The following DPEP3 variants were observed in gnomAD, a reference collection of about 807,000 sequenced individuals.
DPEP3 encodes the protein dipeptidase 3, also known as membrane-bound dipeptidase 3.
DPEP3 carries 42 observed loss-of-function variants against 47.5 expected under a neutral mutation model. The ratio of observed to expected loss-of-function variants is 0.88; its 90% CI spans 0.69 to 1.14. DPEP3 has a LOEUF of 1.14. DPEP3 is among the 50% of genes most tolerant of loss of function. The pLI is 0.00. For missense variants in DPEP3, 560 were observed against 635.0 expected, an observed-to-expected ratio of 0.88 and a Z score of 1.27; for synonymous variants, 276 against 270.2, an observed-to-expected ratio of 1.02 and a Z score of -0.21.
chr16:67,977,592 C>T, intron 6 of DPEP3, 61 bp downstream of exon 6: 2 of 1,540,722 alleles, frequency 1.3e-6, no homozygotes, highest in Non-Finnish European at 1.8e-6. Flanking sequence ...TGGCTTTGTG[C>T]TCAGGGTCAA....
At position 67,976,174 on chromosome 16, in the gene DPEP3, C is replaced by A; in HGVS notation, c.1149G>T (p.Leu383Phe). The change falls in exon 9 of 10, where the codon TTG becomes TTT. Residue 383 changes from leucine to phenylalanine, a missense_variant. Physicochemically the swap from Leu to Phe is conservative, Grantham distance 22. Transcript: ENST00000268793. ...CTTCCTCGCTCCAGCTACGACTCAG[C>A]AACTCCTCTATCAGGACTGGGTATG... Reference protein sequence around the residue: ...VSTYPVLIEELLSRSWSEEEL... With the variant: ...VSTYPVLIEEFLSRSWSEEEL... The A allele has an allele frequency of 6.2e-7, 1 of 1,614,230 alleles. No individual in the cohort carries two copies. Among genetic ancestry groups the A allele is most frequent in the Non-Finnish European group, 8.5e-7 (1 of 1,180,044 alleles).
In DPEP3 at chr16:67,978,141, AC is replaced by A; in HGVS notation, c.686+125del. The A allele has an allele frequency of 1.3e-6, 2 of 1,574,956 alleles. No homozygotes were observed. The highest frequency in any genetic ancestry group is 2.2e-5 in the East Asian group (1 of 44,578). Reference sequence around the variant, plus strand: ...CAGCTGCTTTCTGGGATTGTGAGGGACCCACTGGGTGTCCAGCCTCCCTCTG... The same window carrying A: ...CAGCTGCTTTCTGGGATTGTGAGGGACCACTGGGTGTCCAGCCTCCCTCTG... On this transcript the variant is annotated intron_variant, in intron 4 of 9. Transcript: ENST00000268793. This position sits in a 1 kb window ranked among gnomAD's most constrained non-coding sequence, Gnocchi z 4.4.
rs2031304421 is a variant in DPEP3, at chr16:67,980,474, A to T, written c.-94T>A. On this transcript the variant is annotated 5_prime_UTR_variant, in exon 1 of 10. Transcript: ENST00000268793. ...GGATCATGACGACCCAGCCTCCCGA[A>T]GAGGGGGTTGAAGTCACGCGACTCT... 6 of 1,437,374 alleles carry T rather than the reference A, an allele frequency of 4.2e-6. No individual in the cohort carries two copies. Among genetic ancestry groups the T allele is most frequent in the Non-Finnish European group, 4.6e-6 (5 of 1,095,470 alleles). The allele number at this position is 1,437,374 out of a possible 1,614,324, so 89.0% of individuals were successfully genotyped here.
rs753964540 is a variant in DPEP3 at position 67,977,928 on chromosome 16, G to C, written c.756+10C>G. On this transcript the variant is annotated intron_variant, in intron 5 of 9. Coordinates refer to ENST00000268793, the MANE Select transcript of DPEP3 (RefSeq NM_001370198.1). ...GCAGGTGGGTTGGGGTACAAAACAG[G>C]AGTCCTCACCTCACCAAAGCTTGTC... The C allele has an allele frequency of 1.4e-5, 23 of 1,613,836 alleles. No individual in the cohort carries two copies. The highest frequency in any genetic ancestry group is 1.7e-5 in the Non-Finnish European group (20 of 1,179,882).
intron 5 of DPEP3, 26 bp downstream of exon 5, chr16:67,977,912 T>C (rs774576863): frequency 1.9e-6 from 3 of 1,613,704 alleles, no homozygotes; most frequent in South Asian, 1.1e-5. Flanking sequence ...AGCAGGTGGG[T>C]TGGGGTACAA....
In DPEP3 at chr16:67,975,809, C is replaced by A. The variant is rs1412284355; in HGVS notation, c.1423G>T (p.Val475Leu). ...NASPYLVPGL[V>L]AAATIPTFTQ... ...AAGGTTGGGATGGTGGCAGCAGCCA[C>A]AAGGCCTGGAACAAGGTATGGGGAG... Residue 475 changes from valine to leucine, a missense_variant, in exon 10 of 10, where the codon GTG becomes TTG. Coordinates refer to ENST00000268793, the MANE Select transcript of DPEP3 (RefSeq NM_001370198.1). 1.2e-6 allele frequency: 2 copies of A among 1,613,894 alleles called. No individual in the cohort carries two copies. Among genetic ancestry groups the A allele is most frequent in the Admixed American group, 1.7e-5 (1 of 59,998 alleles).
At chr16:67,976,837 C>T in intron 7 of DPEP3, 62 bp from the exon 8 acceptor site, 1 of 1,411,492 alleles carries the variant, frequency 7.1e-7, no homozygotes, top group Admixed American at 1.8e-5. Flanking sequence ...AGCCCTGTCC[C>T]CAGCACTCCA....
In DPEP3 at chr16:67,979,773, T is replaced by C. The variant is rs535894089; in HGVS notation, c.288-8A>G. 2.5e-6 allele frequency: 4 copies of C among 1,611,574 alleles called. No individual in the cohort carries two copies. The East Asian group carries it at 8.9e-5, about 36-fold the overall frequency. On this transcript the variant is annotated splice_polypyrimidine_tract_variant and splice_region_variant and intron_variant, in intron 1 of 9. Coordinates refer to ENST00000268793, the MANE Select transcript of DPEP3 (RefSeq NM_001370198.1). ...TGGGGCAGGTCATTGTGGCTGGGGG[T>C]GTGAAGGTCAGATGGAAACACCGCC...
chr16:67,977,933 C>T lies in DPEP3; in HGVS notation c.756+5G>A, dbSNP rs1224759511. On this transcript the variant is annotated splice_donor_5th_base_variant and intron_variant, in intron 5 of 9. Coordinates refer to ENST00000268793, the MANE Select transcript of DPEP3 (RefSeq NM_001370198.1). ...TGGGTTGGGGTACAAAACAGGAGTCCTCACCTCACCAAAGCTTGTCAATCC... is the reference window on the plus strand; with the variant it reads ...TGGGTTGGGGTACAAAACAGGAGTCTTCACCTCACCAAAGCTTGTCAATCC... 2 of 1,613,820 alleles carry T rather than the reference C, an allele frequency of 1.2e-6. No individual in the cohort carries two copies. The highest frequency in any genetic ancestry group is 2.2e-5 in the South Asian group (2 of 91,086).
rs1339841995 is a variant in DPEP3 at position 67,980,333 on chromosome 16, A to G, written c.48T>C (p.Tyr16=). 1 of 1,553,476 alleles carries G rather than the reference A, an allele frequency of 6.4e-7. No homozygotes were observed. The highest frequency in any genetic ancestry group is 8.7e-7 in the Non-Finnish European group (1 of 1,149,906). The change falls in exon 1 of 10, where the codon TAT becomes TAC. Residue 16 remains tyrosine (Y), a synonymous_variant. Transcript: ENST00000268793. ...REGSRALSRR[Y]LRRLLLLLLL... is the part of the protein sequence containing the mutation. ...GTAGCAGGAGCAGCAGACGCCGCAG[A>G]TACCGCCGGCTGAGCGCGCGGGAAC...
Position 67,980,430 on chromosome 16 carries a change from G to C in DPEP3, c.-50C>G. 1 of 1,479,488 alleles carries C rather than the reference G, an allele frequency of 6.8e-7. No homozygotes were observed. Among genetic ancestry groups the C allele is most frequent in the Non-Finnish European group, 9.0e-7 (1 of 1,115,616 alleles). 91.6% of individuals were successfully genotyped at this position (1,479,488 alleles called of 1,614,324 possible). A position where few individuals can be genotyped will look rare whatever the true frequency, so the allele number is the denominator to read the frequency against. On this transcript the variant is annotated 5_prime_UTR_variant, in exon 1 of 10. Transcript: ENST00000268793. The stretch of plus-strand genomic sequence containing the variant: ...GCCTGGGAGGAGCAGGCGATGGGCA[G>C]AGGCCGACAATGGGGTCCGGATCAT...
intron 8 of DPEP3, 144 bp downstream of exon 8, chr16:67,976,556 G>T: frequency 1.3e-6 from 1 of 778,070 alleles, no homozygotes; most frequent in South Asian, 1.8e-5. Context: ...TAGGAAACAG[G>T]CCCTGAGAGT....
Position 67,978,664 on chromosome 16 carries a change from C to T in DPEP3, c.415-38G>A, listed in dbSNP as rs769052301. On this transcript the variant is annotated intron_variant, in intron 2 of 9. Coordinates refer to ENST00000268793, the MANE Select transcript of DPEP3 (RefSeq NM_001370198.1). This position sits in a 1 kb window ranked among gnomAD's most constrained non-coding sequence, Gnocchi z 4.4. ...CAAGGGGTCCAGAATGAGGCCAGGG[C>T]GGTCTTCAACCCCCTAGGCCTGCCA... 1.1e-5 allele frequency: 17 copies of T among 1,608,906 alleles called. No individual in the cohort carries two copies. The highest frequency in any genetic ancestry group is 3.3e-5 in the South Asian group (3 of 90,592).
Position 67,980,482 on chromosome 16 carries a change from T to C in DPEP3, c.-102A>G. The C allele has an allele frequency of 7.0e-7, 1 of 1,432,176 alleles. No homozygotes were observed. Among genetic ancestry groups the C allele is most frequent in the South Asian group, 1.5e-5 (1 of 66,664 alleles). The allele number at this position is 1,432,176 out of a possible 1,614,324, so 88.7% of individuals were successfully genotyped here. On this transcript the variant is annotated 5_prime_UTR_variant, in exon 1 of 10. Coordinates refer to ENST00000268793, the MANE Select transcript of DPEP3 (RefSeq NM_001370198.1). ...ACGACCCAGCCTCCCGAAGAGGGGGTTGAAGTCACGCGACTCTGAGACCGA... is the reference window on the plus strand; with the variant it reads ...ACGACCCAGCCTCCCGAAGAGGGGGCTGAAGTCACGCGACTCTGAGACCGA...
Position 67,980,363 on chromosome 16 carries a change from G to T in DPEP3, c.18C>A (p.Arg6=). MQPTG[R]EGSRALSRRY... is the part of the protein sequence containing the mutation. ...GCCGGCTGAGCGCGCGGGAACCCTC[G>T]CGGCCCGTGGGCTGCATGTTGCGCG... The change falls in exon 1 of 10, where the codon CGC becomes CGA. Residue 6 remains arginine (R), a synonymous_variant. Transcript: ENST00000268793. The T allele has an allele frequency of 6.5e-7, 1 of 1,542,736 alleles. No homozygotes were observed.
At position 67,975,756 on chromosome 16, in the gene DPEP3, C is replaced by G; in HGVS notation, c.*9G>C. ...TTTGCCACAGTGACCTCTGCGGGGA[C>G]CGACTGTGTCAGCAGAGCCACTGGG... is the stretch of plus-strand genomic sequence containing the variant. On this transcript the variant is annotated 3_prime_UTR_variant, in exon 10 of 10. Coordinates refer to ENST00000268793, the MANE Select transcript of DPEP3 (RefSeq NM_001370198.1). 2 of 1,607,858 alleles carry G rather than the reference C, an allele frequency of 1.2e-6. No individual in the cohort carries two copies. The highest frequency in any genetic ancestry group is 1.7e-6 in the Non-Finnish European group (2 of 1,177,200).
rs908738850 is a variant in DPEP3 at position 67,977,365 on chromosome 16, A to T, written c.934-11T>A. ...GCCACCGTTCTTCTTCTAGAGGGAT[A>T]AAGGGATACTCATCTCAGCCCTTCT... On this transcript the variant is annotated splice_polypyrimidine_tract_variant and intron_variant, in intron 6 of 9. Coordinates refer to ENST00000268793, the MANE Select transcript of DPEP3 (RefSeq NM_001370198.1). 8 of 1,613,042 alleles carry T rather than the reference A, an allele frequency of 5.0e-6. No homozygotes were observed. The highest frequency in any genetic ancestry group is 6.8e-6 in the Non-Finnish European group (8 of 1,179,332).
Position 67,976,195 on chromosome 16 carries a change from G to A in DPEP3, c.1128C>T (p.Tyr376=). The A allele has an allele frequency of 2.5e-6, 4 of 1,614,182 alleles. No individual in the cohort carries two copies. The highest frequency in any genetic ancestry group is 3.4e-6 in the Non-Finnish European group (4 of 1,180,038). ...FPQGLEDVST[Y]PVLIEELLSR... Reference sequence around the variant, plus strand: ...TCAGCAACTCCTCTATCAGGACTGGGTATGTGGACACATCCTCCAGCCCCT... The same window carrying A: ...TCAGCAACTCCTCTATCAGGACTGGATATGTGGACACATCCTCCAGCCCCT... The change falls in exon 9 of 10, where the codon TAC becomes TAT. Residue 376 remains tyrosine (Y), a synonymous_variant. Transcript: ENST00000268793.
Position 67,978,150 on chromosome 16 carries a change from G to A in DPEP3, c.686+117C>T, listed in dbSNP as rs897648406. ...TCTGGGATTGTGAGGGACCCACTGG[G>A]TGTCCAGCCTCCCTCTGCGGACCCC... On this transcript the variant is annotated intron_variant, in intron 4 of 9. Coordinates refer to ENST00000268793, the MANE Select transcript of DPEP3 (RefSeq NM_001370198.1). This position sits in a 1 kb window ranked among gnomAD's most constrained non-coding sequence, Gnocchi z 4.4. 3.8e-6 allele frequency: 6 copies of A among 1,581,236 alleles called. No individual in the cohort carries two copies. Among genetic ancestry groups the A allele is most frequent in the Non-Finnish European group, 4.3e-6 (5 of 1,154,826 alleles).
Sources: allele counts gnomAD v4.1 joint callset, GRCh38; gene constraint gnomAD v4.1.1; non-coding constraint Gnocchi (gnomAD v3.1); transcripts MANE v1.5; gene names NCBI Gene and HGNC (gene_info 2026-07-23, HGNC 2026-07-21).